LCOR: variants seen among roughly 807,000 people sequenced by gnomAD.
LCOR encodes ligand-dependent corepressor.
Under a neutral mutation model 64.4 loss-of-function variants are expected in LCOR, and 14 were observed. The ratio of observed to expected loss-of-function variants is 0.22; its 90% CI spans 0.14 to 0.34. The LOEUF is 0.34. Ranked by LOEUF, LCOR falls within the 10% of genes least tolerant of loss-of-function variation. The pLI is 1.00. For missense variants in LCOR, 1,686 were observed against 1,765.3 expected, an observed-to-expected ratio of 0.96 and a Z score of 0.80; for synonymous variants, 643 against 642.5, an observed-to-expected ratio of 1.00 and a Z score of -0.01.
intron 2 of LCOR, among the ~76,000 whole-genome samples, chr10:96,870,613 G>A (rs890841509): frequency 3.3e-5 from 5 of 152,084 alleles, no homozygotes; most frequent in South Asian, 2.1e-4. Flanking sequence ...CGTCATCCTC[G>A]AATATTAAAC....
intron 4 of LCOR, among the ~76,000 whole-genome samples, chr10:96,909,788 C>G (rs1400253805): frequency 6.6e-6 from 1 of 152,046 alleles, no homozygotes; most frequent in African/African-American, 2.4e-5. Flanking sequence ...AAAATTTAAT[C>G]TGGCTCCAAA....
rs1172508297 is a variant in LCOR, at chr10:96,920,678, T to G, written c.-184+12931T>G. 4.5e-4 allele frequency among the ~76,000 whole-genome samples: 60 copies of G among 133,472 alleles called. 1 individual carries two copies. Among genetic ancestry groups the G allele is most frequent in the African/African-American group, 2.0e-3 (58 of 29,626 alleles). The allele number at this position is 133,472 out of a possible 152,430, so 87.6% of individuals were successfully genotyped here. On this transcript the variant is annotated intron_variant, in intron 4 of 7. Transcript: ENST00000421806. ...TGTATATATGTATATATGTATATAT[T>G]CATATATGTGTATATATGTTCATAT... is the stretch of plus-strand genomic sequence containing the variant.
intron 4 of LCOR, among the ~76,000 whole-genome samples, chr10:96,927,872 C>A (rs926767107): frequency 2.6e-5 from 4 of 152,168 alleles, no homozygotes; most frequent in African/African-American, 9.7e-5. Context: ...AAGCAAGTCA[C>A]ATTATTTTTT....
At chr10:96,915,452 C>T (rs375161525) in intron 4 of LCOR, among the ~76,000 whole-genome samples, 11 of 152,274 alleles carry the variant, frequency 7.2e-5, no homozygotes, top group African/African-American at 2.4e-4. Flanking sequence ...ACCCAGGAGG[C>T]GGAGGTTGCA....
At chr10:96,892,880 C>T (rs1316269261) in intron 2 of LCOR, among the ~76,000 whole-genome samples, 1 of 152,088 alleles carries the variant, frequency 6.6e-6, no homozygotes, top group East Asian at 1.9e-4. Context: ...TAAATTAATT[C>T]TGCCCATCTC....
Position 96,982,100 on chromosome 10 carries a change from C to G in LCOR, c.1640C>G (p.Thr547Arg). Residue 547 changes from threonine to arginine, a missense_variant, in exon 8 of 8, where the codon ACA (threonine) becomes AGA (arginine). Thr to Arg is a moderately conservative substitution (Grantham distance 71, BLOSUM62 -1). This residue lies in a region of LCOR where 1,293 missense variants were observed against 1,410.4 expected (regional missense o/e 0.92). Transcript: ENST00000421806. ...EAVFTPKQTL[T>R]IPAPRHTVDV... ...GTTTTCACTCCTAAGCAGACCCTTACAATTCCAGCCCCTAGACATACAGTA... is the reference window on the plus strand; with the variant it reads ...GTTTTCACTCCTAAGCAGACCCTTAGAATTCCAGCCCCTAGACATACAGTA... 1.2e-6 allele frequency: 2 copies of G among 1,614,188 alleles called. No individual in the cohort carries two copies. The highest frequency in any genetic ancestry group is 1.7e-6 in the Non-Finnish European group (2 of 1,180,036).
At chr10:96,833,151 C>T (rs1396793133) in intron 1 of LCOR, 14 of 984,192 alleles carry the variant, frequency 1.4e-5, no homozygotes, top group African/African-American at 1.7e-5. Context: ...TGTCGTGCTG[C>T]GGGAGGAGGG....
chr10:96,901,506 C>A (rs899851399), intron 2 of LCOR, among the ~76,000 whole-genome samples: 1 of 152,152 alleles, frequency 6.6e-6, no homozygotes, highest in Admixed American at 6.5e-5. Context: ...CCTCCAACCC[C>A]CTAGTGCTGC....
chr10:96,993,775 T>C lies in LCOR; in HGVS notation c.*8641T>C, dbSNP rs1032830302. The stretch of plus-strand genomic sequence containing the variant: ...TATATATATATTATATATATATATA[T>C]ACAGGTGTATGATAAACTGGTCAGT... On this transcript the variant is annotated 3_prime_UTR_variant, in exon 8 of 8. Transcript: ENST00000421806. 11 of 148,262 alleles carry C rather than the reference T, an allele frequency of 7.4e-5. No individual in the cohort carries two copies. Among genetic ancestry groups the C allele is most frequent in the Admixed American group, 6.7e-4 (10 of 14,872 alleles). 9.2% of individuals were successfully genotyped at this position (148,262 alleles called of 1,614,324 possible). A position where few individuals can be genotyped will look rare whatever the true frequency, so the allele number is the denominator to read the frequency against.
In LCOR at chr10:96,985,320, G is replaced by A. The variant is rs1848140081; in HGVS notation, c.*186G>A. The A allele has an allele frequency of 1.6e-6, 1 of 640,292 alleles. No homozygotes were observed. The highest frequency in any genetic ancestry group is 2.4e-6 in the Non-Finnish European group (1 of 412,528). The allele number at this position is 640,292 out of a possible 1,614,324, so 39.7% of individuals were successfully genotyped here. On this transcript the variant is annotated 3_prime_UTR_variant, in exon 8 of 8. Transcript: ENST00000421806. ...GGGAACTTGCAGAGTCCTTCTCTGAGGCTAAGGGAAGTTATATATTATATT... is the reference window on the plus strand; with the variant it reads ...GGGAACTTGCAGAGTCCTTCTCTGAAGCTAAGGGAAGTTATATATTATATT...
intron 7 of LCOR, chr10:96,958,312 T>G (rs1847817867): frequency 6.6e-7 from 1 of 1,519,498 alleles, no homozygotes. Context: ...TGTGGTAGTC[T>G]ATATAAGTGA....
Position 96,992,398 on chromosome 10 carries a change from A to T in LCOR, c.*7264A>T, listed in dbSNP as rs1418761323. The stretch of plus-strand genomic sequence containing the variant: ...TTCTTTCTAGCCACCCATCCTCCCC[A>T]GCTACCATGCTCAACCATTGAGCCC... On this transcript the variant is annotated 3_prime_UTR_variant, in exon 8 of 8. Coordinates refer to ENST00000421806, the MANE Select transcript of LCOR (RefSeq NM_001346516.2). 1 of 152,232 alleles carries T rather than the reference A, an allele frequency of 6.6e-6. No individual in the cohort carries two copies. The highest frequency in any genetic ancestry group is 1.9e-4 in the East Asian group (1 of 5,204). The allele number at this position is 152,232 out of a possible 1,614,324, so 9.4% of individuals were successfully genotyped here.
At chr10:96,843,708 A>C (rs1845580083) in intron 2 of LCOR, among the ~76,000 whole-genome samples, 1 of 152,182 alleles carries the variant, frequency 6.6e-6, no homozygotes, top group African/African-American at 2.4e-5. Flanking sequence ...TTCATCCCTA[A>C]CTGAATTATT....
intron 2 of LCOR, among the ~76,000 whole-genome samples, chr10:96,868,103 C>T (rs950044779): frequency 6.6e-6 from 1 of 151,862 alleles, no homozygotes; most frequent in African/African-American, 2.4e-5. Flanking sequence ...AGGCTGGTCT[C>T]GAACTCCCGA....
intron 7 of LCOR, among the ~76,000 whole-genome samples, chr10:96,972,492 T>A (rs1848007050): frequency 1.3e-5 from 2 of 152,214 alleles, no homozygotes; most frequent in Non-Finnish European, 2.9e-5. Flanking sequence ...TTGCTCTGAC[T>A]TCCTGCTCTC....
At chr10:96,941,215 G>A (rs1207461296) in intron 4 of LCOR, among the ~76,000 whole-genome samples, 56 of 126,692 alleles carry the variant, frequency 4.4e-4, no homozygotes, top group Admixed American at 9.7e-4. Context: ...CCTCCCGGAC[G>A]GGGCGGCTGG....
In LCOR at chr10:96,944,168, T is replaced by G. The variant is rs780546796; in HGVS notation, c.-128T>G. On this transcript the variant is annotated 5_prime_UTR_variant, in exon 5 of 8. Transcript: ENST00000421806. ...TCGGGAGCTGGGCAAGAAGCTCTGC[T>G]TAAACAAGAGCAAGCAAAAATCATT... 8.3e-5 allele frequency: 82 copies of G among 985,606 alleles called. No homozygotes were observed. Among genetic ancestry groups the G allele is most frequent in the Admixed American group, 1.2e-4 (2 of 16,256 alleles). 61.1% of individuals were successfully genotyped at this position (985,606 alleles called of 1,614,324 possible).
intron 4 of LCOR, among the ~76,000 whole-genome samples, chr10:96,937,525 T>G (rs997815968): frequency 3.3e-5 from 5 of 152,210 alleles, no homozygotes; most frequent in Admixed American, 3.3e-4. Context: ...TTTTCTTTCT[T>G]TTTTTAAATA....
intron 2 of LCOR, among the ~76,000 whole-genome samples, chr10:96,871,834 AAGG>A (rs113312032): frequency 0.14 from 21,558 of 151,850 alleles, 2,076 homozygotes; most frequent in African/African-American, 0.27. Flanking sequence ...TGTAGGCAGA[AAGG>A]AGGAGGAGCA....
Sources: allele counts gnomAD v4.1 joint callset (sites outside exome capture counted in the v4.1 genomes callset), GRCh38; gene constraint gnomAD v4.1.1; regional missense constraint gnomAD v4.1.1; transcripts MANE v1.5; gene names NCBI Gene and HGNC (gene_info 2026-07-23, HGNC 2026-07-21).